Variants in ASAP1 observed in about 807,000 individuals in gnomAD.
The protein encoded by ASAP1 is arf-GAP with SH3 domain, ANK repeat and PH domain-containing protein 1.
ASAP1 carries 43 observed loss-of-function variants against 145.2 expected under a neutral mutation model. The ratio of observed to expected loss-of-function variants is 0.30; its 90% CI spans 0.23 to 0.38. ASAP1 has a LOEUF of 0.38. Among genes scored for constraint, ASAP1 ranks in the 10% least tolerant of loss-of-function variants. ASAP1 has a pLI of 1.00. For missense variants in ASAP1, 1,018 were observed against 1,355.3 expected, an observed-to-expected ratio of 0.75 and a Z score of 3.91; for synonymous variants, 546 against 515.5, an observed-to-expected ratio of 1.06 and a Z score of -0.80.
At chr8:130,404,996 T>C (rs1042904078) in intron 1 of ASAP1, among the ~76,000 whole-genome samples, 2 of 151,766 alleles carry the variant, frequency 1.3e-5, no homozygotes, top group African/African-American at 4.8e-5. Flanking sequence ...TGCAACTAGA[T>C]CAGCCAAACC....
At chr8:130,212,423 G>C (rs1343141541) in intron 5 of ASAP1, among the ~76,000 whole-genome samples, 1 of 152,204 alleles carries the variant, frequency 6.6e-6, no homozygotes, top group East Asian at 1.9e-4. Flanking sequence ...CAGTACTTCT[G>C]CTGAGGGAAA....
At chr8:130,288,730 G>A (rs551756507) in intron 3 of ASAP1, among the ~76,000 whole-genome samples, 2 of 152,300 alleles carry the variant, frequency 1.3e-5, no homozygotes, top group East Asian at 3.9e-4. Flanking sequence ...GGAAGCACAG[G>A]TAATCTGCCC....
chr8:130,087,173 C>T (rs2097495286), intron 25 of ASAP1, among the ~76,000 whole-genome samples: 1 of 152,096 alleles, frequency 6.6e-6, no homozygotes, highest in African/African-American at 2.4e-5. Context: ...CAGAGGTGCC[C>T]CTGAGACCAG....
At chr8:130,199,306 G>T (rs944992051) in intron 5 of ASAP1, among the ~76,000 whole-genome samples, 1 of 152,200 alleles carries the variant, frequency 6.6e-6, no homozygotes. Context: ...AATGCTTACT[G>T]ATTAAGTAAA....
At chr8:130,274,805 C>G (rs573674765) in intron 3 of ASAP1, among the ~76,000 whole-genome samples, 3 of 152,338 alleles carry the variant, frequency 2.0e-5, no homozygotes, top group African/African-American at 7.2e-5. Flanking sequence ...CACATAAAGC[C>G]TTCCTGAATA....
chr8:130,318,915 A>G (rs751489824), intron 3 of ASAP1, among the ~76,000 whole-genome samples: 4 of 152,230 alleles, frequency 2.6e-5, no homozygotes, highest in Non-Finnish European at 5.9e-5. Context: ...ACACTGCCCT[A>G]CTACAGGAGA....
At chr8:130,065,302 C>T (rs1283043687) in intron 27 of ASAP1, among the ~76,000 whole-genome samples, 1 of 152,134 alleles carries the variant, frequency 6.6e-6, no homozygotes, top group Non-Finnish European at 1.5e-5. Flanking sequence ...GGGTGTGTCG[C>T]CCTCCCGGCA....
chr8:130,384,943 A>G (rs995031104), intron 2 of ASAP1, among the ~76,000 whole-genome samples: 1 of 152,230 alleles, frequency 6.6e-6, no homozygotes, highest in African/African-American at 2.4e-5. Flanking sequence ...GAGACTGAAC[A>G]TAAATAAAAG....
intron 3 of ASAP1, among the ~76,000 whole-genome samples, chr8:130,265,354 T>C (rs1393305241): frequency 1.3e-5 from 2 of 152,028 alleles, no homozygotes; most frequent in East Asian, 1.9e-4. Context: ...GAGGACTGCT[T>C]GAGCCCAGGA....
At chr8:130,208,008 T>C (rs1816334030) in intron 5 of ASAP1, among the ~76,000 whole-genome samples, 2 of 152,234 alleles carry the variant, frequency 1.3e-5, no homozygotes, top group Admixed American at 6.5e-5. Context: ...GAAATTTTTA[T>C]GTAACAATGT....
At chr8:130,294,067 G>A (rs1440472578) in intron 3 of ASAP1, among the ~76,000 whole-genome samples, 1 of 152,158 alleles carries the variant, frequency 6.6e-6, no homozygotes, top group African/African-American at 2.4e-5. Context: ...TTGCAGATGA[G>A]AAAATGGGAC....
At chr8:130,157,569 T>A (rs1449173926) in intron 12 of ASAP1, among the ~76,000 whole-genome samples, 1 of 152,156 alleles carries the variant, frequency 6.6e-6, no homozygotes, top group African/African-American at 2.4e-5. Flanking sequence ...TGTTGGATTA[T>A]GTCACTCTTG....
intron 2 of ASAP1, among the ~76,000 whole-genome samples, chr8:130,368,778 G>C (rs76033184): frequency 0.019 from 2,903 of 152,332 alleles, 42 homozygotes; most frequent in East Asian, 0.056. Context: ...AGAGATGCGG[G>C]AGAGTCGTGG....
At chr8:130,179,434 T>A in intron 8 of ASAP1, 85 bp from the exon 9 acceptor site, 1 of 772,410 alleles carries the variant, frequency 1.3e-6, no homozygotes, top group Non-Finnish European at 2.2e-6. Flanking sequence ...ACATCACCCC[T>A]GAATCTGCAC....
intron 25 of ASAP1, among the ~76,000 whole-genome samples, chr8:130,085,912 G>A (rs931686685): frequency 3.9e-5 from 6 of 152,208 alleles, no homozygotes; most frequent in African/African-American, 2.4e-5. Context: ...CTTCAGTAAT[G>A]TAATGCTGGG....
intron 2 of ASAP1, among the ~76,000 whole-genome samples, chr8:130,391,150 G>A (rs1229149754): frequency 1.5e-5 from 2 of 133,738 alleles, no homozygotes; most frequent in East Asian, 4.3e-4. Context: ...TGAACCTTGA[G>A]GACATTATGT....
chr8:130,161,859 A>G (rs1427952658), intron 11 of ASAP1, among the ~76,000 whole-genome samples: 32 of 152,156 alleles, frequency 2.1e-4, no homozygotes, highest in Non-Finnish European at 4.4e-5. Context: ...TGAATGCAAT[A>G]GTGTGATCAC....
chr8:130,161,718 T>C (rs1198261380), intron 11 of ASAP1, among the ~76,000 whole-genome samples: 3 of 152,232 alleles, frequency 2.0e-5, no homozygotes, highest in East Asian at 3.8e-4. Flanking sequence ...ACAATATTAA[T>C]CATTTGGGAG....
At chr8:130,399,693 A>G (rs1440615742) in intron 2 of ASAP1, among the ~76,000 whole-genome samples, 1 of 152,110 alleles carries the variant, frequency 6.6e-6, no homozygotes, top group South Asian at 2.1e-4. Context: ...ACAATGCCCT[A>G]TGTGCCTACT....
Sources: allele counts gnomAD v4.1 joint callset (sites outside exome capture counted in the v4.1 genomes callset), GRCh38; gene constraint gnomAD v4.1.1; transcripts MANE v1.5; gene names NCBI Gene and HGNC (gene_info 2026-07-23, HGNC 2026-07-21).